The following COX7B2 variants were observed in gnomAD, a reference collection of about 807,000 sequenced individuals.
The protein encoded by COX7B2 is cytochrome c oxidase subunit 7B2, also known as cytochrome c oxidase subunit 7B2, mitochondrial.
For synonymous variants in COX7B2, 37 were observed against 32.1 expected (o/e 1.15, Z -0.51); for missense variants, 109 against 95.9 (o/e 1.14, Z -0.57).
chr4:46,771,661 C>G (rs929259296), intron 2 of COX7B2, among the ~76,000 whole-genome samples: 3 of 151,842 alleles, frequency 2.0e-5, no homozygotes, highest in Non-Finnish European at 4.4e-5. Context: ...ACATCATACT[C>G]AAAGGAAATA....
chr4:46,759,279 G>A (rs1715985602), intron 2 of COX7B2, among the ~76,000 whole-genome samples: 1 of 152,064 alleles, frequency 6.6e-6, no homozygotes, highest in African/African-American at 2.4e-5. Flanking sequence ...TTCAGATAAT[G>A]TAATTGTTAG....
In COX7B2 at chr4:46,750,195, TACACACACACACAC is replaced by T. The variant is rs58139781; in HGVS notation, c.-49-14968_-49-14955del. Among the ~76,000 whole-genome samples, 819 of 113,912 alleles carry T rather than the reference TACACACACACACAC, an allele frequency of 7.2e-3. 6 individuals are homozygous for T. Among genetic ancestry groups the T allele is most frequent in the Middle Eastern group, 0.045 (10 of 222 alleles). 74.7% of individuals were successfully genotyped at this position (113,912 alleles called of 152,430 possible). A position where few individuals can be genotyped will look rare whatever the true frequency, so the allele number is the denominator to read the frequency against. On this transcript the variant is annotated intron_variant, in intron 2 of 2. Coordinates refer to ENST00000355591, the MANE Select transcript of COX7B2 (RefSeq NM_130902.3). The stretch of plus-strand genomic sequence containing the variant: ...GGACAACACAATGAGATCCCATCTC[TACACACACACACAC>T]ACACACACACACACACACACACACA...
intron 2 of COX7B2, among the ~76,000 whole-genome samples, chr4:46,776,524 T>C (rs1717165164): frequency 6.6e-6 from 1 of 151,786 alleles, no homozygotes; most frequent in African/African-American, 2.4e-5. Flanking sequence ...TGTAATAAAC[T>C]CAGTGGGATA....
Position 46,796,207 on chromosome 4 carries a change from G to A in COX7B2, c.-50+48753C>T, listed in dbSNP as rs1167868547. 4.1e-5 allele frequency among the ~76,000 whole-genome samples: 6 copies of A among 145,108 alleles called. No homozygotes were observed. In the East Asian group the frequency reaches 6.0e-4, roughly 14 times the overall value. ...TACCCTTTATTTCCTTCTCCTGCCTGATTGCCCTGGCCAGAACTTCCAACA... is the reference window on the plus strand; with the variant it reads ...TACCCTTTATTTCCTTCTCCTGCCTAATTGCCCTGGCCAGAACTTCCAACA... On this transcript the variant is annotated intron_variant, in intron 2 of 2. Coordinates refer to ENST00000355591, the MANE Select transcript of COX7B2 (RefSeq NM_130902.3).
intron 2 of COX7B2, among the ~76,000 whole-genome samples, chr4:46,744,812 G>A (rs1392061071): frequency 1.4e-5 from 2 of 141,258 alleles, no homozygotes; most frequent in Admixed American, 8.1e-5. Context: ...GCGTAATCTC[G>A]GCTCACTGCA....
chr4:46,836,687 A>G (rs1462523420), intron 2 of COX7B2, among the ~76,000 whole-genome samples: 1 of 152,184 alleles, frequency 6.6e-6, no homozygotes, highest in Non-Finnish European at 1.5e-5. Flanking sequence ...GGTATTAAGT[A>G]TAATGAACTG....
intron 1 of COX7B2, among the ~76,000 whole-genome samples, chr4:46,880,925 A>C: frequency 6.8e-6 from 1 of 147,712 alleles, no homozygotes; most frequent in Middle Eastern, 3.5e-3. Context: ...GCGCACCAGC[A>C]TGGCACATGT....
At chr4:46,830,455 TGAC>T (rs1455790806) in intron 2 of COX7B2, among the ~76,000 whole-genome samples, 2 of 152,078 alleles carry the variant, frequency 1.3e-5, no homozygotes, top group African/African-American at 4.8e-5. Context: ...AAAGTTAAAA[TGAC>T]TATTTTAGTC....
intron 2 of COX7B2, among the ~76,000 whole-genome samples, chr4:46,804,157 C>T (rs529439794): frequency 1.6e-4 from 25 of 152,014 alleles, no homozygotes; most frequent in Admixed American, 7.2e-4. Flanking sequence ...TTGTTCCTCG[C>T]GGTGGGTTCG....
chr4:46,798,665 T>C (rs1213359325), intron 2 of COX7B2, among the ~76,000 whole-genome samples: 2 of 152,176 alleles, frequency 1.3e-5, no homozygotes, highest in African/African-American at 4.8e-5. Flanking sequence ...TGTTTAACCA[T>C]GGGTCACCAA....
At chr4:46,765,629 T>C (rs1352093429) in intron 2 of COX7B2, among the ~76,000 whole-genome samples, 1 of 151,638 alleles carries the variant, frequency 6.6e-6, no homozygotes, top group Non-Finnish European at 1.5e-5. Flanking sequence ...GCTCCTGTGG[T>C]CTCAGGCTCC....
At chr4:46,741,950 T>C (rs957291913) in intron 2 of COX7B2, among the ~76,000 whole-genome samples, 2 of 152,136 alleles carry the variant, frequency 1.3e-5, no homozygotes, top group Admixed American at 6.6e-5. Flanking sequence ...CAAGGTACTA[T>C]CCAGCTCTAA....
intron 2 of COX7B2, among the ~76,000 whole-genome samples, chr4:46,830,382 A>G (rs1442408008): frequency 6.6e-6 from 1 of 151,692 alleles, no homozygotes; most frequent in Non-Finnish European, 1.5e-5. Flanking sequence ...GAAACAATGT[A>G]TGTAGGAAAA....
At chr4:46,782,806 A>C (rs953580361) in intron 2 of COX7B2, among the ~76,000 whole-genome samples, 1 of 152,182 alleles carries the variant, frequency 6.6e-6, no homozygotes, top group Non-Finnish European at 1.5e-5. Context: ...CTGCAGCTTC[A>C]CTACTGAAGT....
intron 2 of COX7B2, among the ~76,000 whole-genome samples, chr4:46,754,229 T>C (rs376891604): frequency 6.6e-6 from 1 of 151,724 alleles, no homozygotes; most frequent in Non-Finnish European, 1.5e-5. Context: ...ACCCAAAGGA[T>C]TATAAATCAT....
chr4:46,819,812 T>A (rs1361649637), intron 2 of COX7B2, among the ~76,000 whole-genome samples: 1 of 152,244 alleles, frequency 6.6e-6, no homozygotes, highest in Admixed American at 6.5e-5. Flanking sequence ...TAAAATTTTT[T>A]CAGTGTCATT....
intron 1 of COX7B2, among the ~76,000 whole-genome samples, chr4:46,904,631 T>C (rs886900960): frequency 6.6e-6 from 1 of 152,164 alleles, no homozygotes; most frequent in East Asian, 1.9e-4. Flanking sequence ...AATTTGGTAA[T>C]ACACAAACAT....
intron 1 of COX7B2, among the ~76,000 whole-genome samples, chr4:46,857,058 T>C (rs952129034): frequency 3.3e-5 from 5 of 152,198 alleles, no homozygotes; most frequent in African/African-American, 1.2e-4. Flanking sequence ...AGTTCTTACA[T>C]GCACATCATA....
intron 2 of COX7B2, among the ~76,000 whole-genome samples, chr4:46,833,128 C>T (rs907329131): frequency 6.6e-6 from 1 of 152,198 alleles, no homozygotes; most frequent in East Asian, 1.9e-4. Flanking sequence ...TGGTCTTCAA[C>T]TCCCAACCTC....
Sources: allele counts gnomAD v4.1 joint callset (sites outside exome capture counted in the v4.1 genomes callset), GRCh38; gene constraint gnomAD v4.1.1; transcripts MANE v1.5; gene names NCBI Gene and HGNC (gene_info 2026-07-23, HGNC 2026-07-21).